The following ZP3 variants were observed in gnomAD, a reference collection of about 807,000 sequenced individuals.
The protein encoded by ZP3 is zona pellucida glycoprotein 3, also known as zona pellucida sperm-binding protein 3.
Under a neutral mutation model 35.6 loss-of-function variants are expected in ZP3, and 21 were observed. That is an observed-to-expected ratio of 0.59 (90% CI 0.42 to 0.85). ZP3 has a LOEUF of 0.85. Among genes scored for constraint, ZP3 ranks in the 40% least tolerant of loss-of-function variants. The pLI is 0.00. For missense variants in ZP3, 437 were observed against 536.5 expected (o/e 0.81, Z 1.83); for synonymous variants, 207 against 214.5 (o/e 0.96, Z 0.31).
exon 1 of ZP3, chr7:76,397,621 G>A: frequency 1.4e-5 from 22 of 1,613,152 alleles, no homozygotes; most frequent in Non-Finnish European, 1.8e-5. Context: ...CGCAGTGCAC[G>A]TTGTCCAGCA....
intron 1 of ZP3, chr7:76,429,287 T>C (rs1234586414): frequency 1.5e-5 from 8 of 519,612 alleles, no homozygotes; most frequent in East Asian, 6.8e-5. Flanking sequence ...TTCTCTTTTG[T>C]AGAGATGGGG....
chr7:76,407,762 C>G lies in ZP3; in HGVS notation c.-67+9965C>G, dbSNP rs181051487. On this transcript the variant is annotated intron_variant, in intron 1 of 8. Coordinates refer to the ZP3 transcript ENST00000336517. ...TAAAAAGAAAAAAAAAGTGCATAAACCATGAGCTTAGAGCTCAAAGAGCAT... is the reference window on the plus strand; with the variant it reads ...TAAAAAGAAAAAAAAAGTGCATAAAGCATGAGCTTAGAGCTCAAAGAGCAT... Among the ~76,000 whole-genome samples, 100 of 152,246 alleles carry G rather than the reference C, an allele frequency of 6.6e-4. 1 individual carries two copies. Among genetic ancestry groups the G allele is most frequent in the Admixed American group, 6.3e-3 (96 of 15,274 alleles).
chr7:76,418,541 A>ACTCTG (rs1805429492), intron 1 of ZP3, among the ~76,000 whole-genome samples: 1 of 101,608 alleles, frequency 9.8e-6, no homozygotes, highest in African/African-American at 4.0e-5. Context: ...ACGGAGCGAG[A>ACTCTG]TTTCATCTCA....
At chr7:76,420,191 T>C (rs1805474073), upstream of ZP3, among the ~76,000 whole-genome samples, 1 of 151,462 alleles carries the variant, frequency 6.6e-6, no homozygotes, top group Admixed American at 6.6e-5. Context: ...ACCTCCTCCT[T>C]CTTCTTCATA....
At position 76,414,470 on chromosome 7, in the gene ZP3, G is replaced by A. The variant is rs116013337; in HGVS notation, c.-66-10582G>A. 6.0e-3 allele frequency among the ~76,000 whole-genome samples: 906 copies of A among 152,054 alleles called. 11 individuals are homozygous for A. Among genetic ancestry groups the A allele is most frequent in the African/African-American group, 0.021 (872 of 41,490 alleles). ...TCAAAGACCCTTTGGGAGCAGCCTG[G>A]CATGACTGGAGAGTGGGAAAATCTG... On this transcript the variant is annotated intron_variant, in intron 1 of 8. Coordinates refer to the ZP3 transcript ENST00000336517.
At chr7:76,409,356 CACAT>C (rs1458757505) in intron 1 of ZP3, 4 of 129,592 alleles carry the variant, frequency 3.1e-5, no homozygotes, top group Non-Finnish European at 6.9e-5. Flanking sequence ...CACACACACA[CACAT>C]GCATGCACAC....
chr7:76,425,473 A>G (rs1805623630), intron 1 of ZP3, among the ~76,000 whole-genome samples, 197 bp downstream of exon 1: 1 of 152,154 alleles, frequency 6.6e-6, no homozygotes, highest in East Asian at 1.9e-4. Context: ...GATGCCCGAC[A>G]TTGGGTCGAT....
At chr7:76,418,433 C>T (rs1805425089) in intron 1 of ZP3, among the ~76,000 whole-genome samples, 1 of 151,376 alleles carries the variant, frequency 6.6e-6, no homozygotes, top group South Asian at 2.1e-4. Context: ...CACCTGTAAT[C>T]CCAGCTACTC....
chr7:76,433,583 T>G lies in ZP3; in HGVS notation c.649T>G (p.Cys217Gly). 6.2e-7 allele frequency: 1 copy of G among 1,614,144 alleles called. No homozygotes were observed. The highest frequency in any genetic ancestry group is 8.5e-7 in the Non-Finnish European group (1 of 1,180,004). The change falls in exon 4 of 8, where the codon TGC becomes GGC. Residue 217 changes from cysteine to glycine, a missense_variant. By Grantham distance (159) the Cys-to-Gly change is radical. Coordinates refer to ENST00000394857, the MANE Select transcript of ZP3 (RefSeq NM_001110354.2). ...HVPLRLFVDH[C>G]VATPTPDQNA... ...GCCACTGCGGTTGTTTGTGGACCAC[T>G]GCGTGGCCACACCGACACCAGACCA...
At chr7:76,420,121 C>G (rs1342446314), upstream of ZP3, among the ~76,000 whole-genome samples, 4 of 150,894 alleles carry the variant, frequency 2.7e-5, no homozygotes, top group African/African-American at 9.7e-5. Flanking sequence ...TCTTCCTCCT[C>G]CCCCTCCTCC....
chr7:76,428,258 T>G (rs959553766), intron 1 of ZP3, among the ~76,000 whole-genome samples: 1 of 150,950 alleles, frequency 6.6e-6, no homozygotes, highest in Non-Finnish European at 1.5e-5. Context: ...GAGGCGGAGG[T>G]TGCAGTGAGC....
intron 5 of ZP3, among the ~76,000 whole-genome samples, chr7:76,436,013 C>A (rs1805989188): frequency 6.9e-6 from 1 of 144,324 alleles, no homozygotes. Context: ...CATGAACCAC[C>A]ACGCGCCCCC....
At chr7:76,413,824 G>T (rs1805306099) in intron 1 of ZP3, among the ~76,000 whole-genome samples, 2 of 151,786 alleles carry the variant, frequency 1.3e-5, no homozygotes. Context: ...GCGCCACCAT[G>T]CCCAGCTAAT....
intron 1 of ZP3, among the ~76,000 whole-genome samples, chr7:76,418,550 C>CAAAAAAA (rs1203476650): frequency 3.3e-5 from 1 of 30,052 alleles, no homozygotes; most frequent in Non-Finnish European, 5.4e-5. Flanking sequence ...GATTTCATCT[C>CAAAAAAA]AAAAAAAAAA....
chr7:76,405,440 C>A (rs1238420215), intron 1 of ZP3, among the ~76,000 whole-genome samples: 1 of 144,056 alleles, frequency 6.9e-6, no homozygotes, highest in African/African-American at 2.6e-5. Context: ...CCTTGGCCTC[C>A]CAAAGTGCTG....
chr7:76,407,176 G>A (rs6958621), intron 1 of ZP3, among the ~76,000 whole-genome samples: 64,255 of 151,816 alleles, frequency 0.42, 13,795 homozygotes, highest in South Asian at 0.53. Context: ...GACCTGGCTG[G>A]TCTGGAACTC....
intron 2 of ZP3, among the ~76,000 whole-genome samples, chr7:76,432,044 A>G (rs971053849): frequency 2.0e-5 from 3 of 152,010 alleles, no homozygotes; most frequent in Admixed American, 2.0e-4. Flanking sequence ...TTAAAAAAAA[A>G]AAGTCTTACT....
upstream of ZP3, among the ~76,000 whole-genome samples, chr7:76,423,031 GAAAGAAAGAA>G (rs1563695469): frequency 3.8e-3 from 440 of 114,550 alleles, 7 homozygotes; most frequent in Non-Finnish European, 5.7e-3. Context: ...GAGAGAGAAA[GAAAGAAAGAA>G]AGAAAGAAAG....
rs1406119267 is a variant in ZP3, at chr7:76,433,744, GC to G, written c.713+98del. Reference sequence around the variant, plus strand: ...GAGACAGTGTCACTCTGTAACCCAGGCTGGAATACAGAGGCTTGATCTCTGC... The same window carrying G: ...GAGACAGTGTCACTCTGTAACCCAGGTGGAATACAGAGGCTTGATCTCTGC... On this transcript the variant is annotated intron_variant, in intron 4 of 7. Transcript: ENST00000394857. 2.3e-5 allele frequency: 30 copies of G among 1,331,180 alleles called. No homozygotes were observed. In the Middle Eastern group the frequency reaches 5.7e-4, roughly 25 times the overall value. 82.5% of individuals were successfully genotyped at this position (1,331,180 alleles called of 1,614,324 possible).
Sources: allele counts gnomAD v4.1 joint callset (sites outside exome capture counted in the v4.1 genomes callset), GRCh38; gene constraint gnomAD v4.1.1; transcripts MANE v1.5; gene names NCBI Gene and HGNC (gene_info 2026-07-23, HGNC 2026-07-21).